CFAP251: variants seen among roughly 807,000 people sequenced by gnomAD.
CFAP251 encodes the protein cilia and flagella associated protein 251.
A neutral mutation model predicts 126.7 loss-of-function variants in CFAP251; 93 were observed. The observed-to-expected ratio is 0.73, with a 90% CI of 0.62 to 0.87. CFAP251 has a LOEUF of 0.87. CFAP251 is among the 40% of genes least tolerant of loss of function. The pLI is 0.00. For synonymous variants in CFAP251, 503 were observed against 506.9 expected (o/e 0.99, Z 0.10); for missense variants, 1,287 against 1,389.2 (o/e 0.93, Z 1.17).
At chr12:122,003,527 C>T (rs999915395) in intron 21 of CFAP251, 125 bp from the exon 22 acceptor site, 9 of 652,492 alleles carry the variant, frequency 1.4e-5, no homozygotes, top group Middle Eastern at 5.0e-4. Context: ...GAGCTATGAT[C>T]GTGTCACTGC....
At chr12:121,929,054 G>A (rs2135750150) in intron 3 of CFAP251, among the ~76,000 whole-genome samples, 1 of 152,112 alleles carries the variant, frequency 6.6e-6, no homozygotes, top group East Asian at 1.9e-4. Context: ...CGGGAGCAGT[G>A]GCTCATGCCT....
intron 19 of CFAP251, chr12:121,992,676 C>T: frequency 4.3e-6 from 1 of 229,976 alleles, no homozygotes; most frequent in Non-Finnish European, 7.2e-6. Flanking sequence ...CTCCCGGGCT[C>T]AGGTGATCCT....
intron 19 of CFAP251, among the ~76,000 whole-genome samples, chr12:121,993,965 A>G (rs1593008099): frequency 1.6e-5 from 1 of 63,430 alleles, no homozygotes; most frequent in Non-Finnish European, 3.8e-5. Flanking sequence ...CCCGTCCGGG[A>G]GGGAGGTGGG....
At chr12:121,960,496 G>A in intron 13 of CFAP251, 89 bp from the exon 14 acceptor site, 1 of 1,453,048 alleles carries the variant, frequency 6.9e-7, no homozygotes, top group Non-Finnish European at 9.5e-7. Flanking sequence ...GGGATTACAG[G>A]CGTGAGCCAC....
chr12:121,975,120 A>G (rs1882423479), intron 17 of CFAP251, 124 bp from the exon 18 acceptor site: 2 of 715,008 alleles, frequency 2.8e-6, no homozygotes, highest in African/African-American at 1.8e-5. Flanking sequence ...ACAAGTGTGT[A>G]GAGACCCTAA....
At position 121,968,251 on chromosome 12, in the gene CFAP251, C is replaced by T. The variant is rs149367862; in HGVS notation, c.2771+82C>T. The T allele has an allele frequency of 2.2e-4, 312 of 1,389,162 alleles. 2 individuals carry two copies. In the African/African-American group the frequency reaches 3.8e-3, roughly 17 times the overall value. The allele number at this position is 1,389,162 out of a possible 1,614,324, so 86.1% of individuals were successfully genotyped here. ...CAGTGATAGACACTGAACCCTACTGCGTGCCAGGCACTGTGCTAGGATGTC... is the reference window on the plus strand; with the variant it reads ...CAGTGATAGACACTGAACCCTACTGTGTGCCAGGCACTGTGCTAGGATGTC... On this transcript the variant is annotated intron_variant, in intron 17 of 21. Transcript: ENST00000288912.
chr12:121,979,893 C>T (rs932203035), intron 19 of CFAP251, among the ~76,000 whole-genome samples: 8 of 152,280 alleles, frequency 5.3e-5, no homozygotes, highest in South Asian at 2.1e-4. Context: ...TTACAAGTTA[C>T]GGAAACCTAA....
intron 21 of CFAP251, chr12:122,001,848 C>T: frequency 2.0e-6 from 1 of 504,806 alleles, no homozygotes; most frequent in Non-Finnish European, 3.6e-6. Flanking sequence ...GACCTGTCAT[C>T]TTGCCGGCTT....
chr12:121,951,186 A>C (rs2135773936), intron 8 of CFAP251: 1 of 220,202 alleles, frequency 4.5e-6, no homozygotes, highest in East Asian at 8.9e-5. Context: ...GCGCCACTGC[A>C]CTCCAGGCTG....
chr12:121,927,036 C>T (rs1171180416), intron 3 of CFAP251, among the ~76,000 whole-genome samples: 1 of 152,150 alleles, frequency 6.6e-6, no homozygotes, highest in East Asian at 1.9e-4. Context: ...TCTTCCTACA[C>T]ACACCCCCAC....
chr12:121,920,020 G>GA (rs549439744), intron 1 of CFAP251, among the ~76,000 whole-genome samples: 271 of 151,664 alleles, frequency 1.8e-3, no homozygotes, highest in African/African-American at 6.4e-3. Flanking sequence ...TGCCTCCATT[G>GA]AAAAAATACA....
At chr12:121,931,068 G>T (rs139014309) in intron 3 of CFAP251, among the ~76,000 whole-genome samples, 21 of 152,000 alleles carry the variant, frequency 1.4e-4, no homozygotes, top group African/African-American at 5.1e-4. Flanking sequence ...TTCTTATAAA[G>T]TTACGTAATG....
chr12:121,982,381 ATT>A (rs1296231709), intron 19 of CFAP251, among the ~76,000 whole-genome samples: 5 of 137,084 alleles, frequency 3.6e-5, no homozygotes, highest in Admixed American at 1.5e-4. Flanking sequence ...AGGATTCTTG[ATT>A]TTTTTTTTTT....
chr12:121,961,235 C>A (rs1881923948), intron 14 of CFAP251, among the ~76,000 whole-genome samples: 1 of 151,536 alleles, frequency 6.6e-6, no homozygotes, highest in South Asian at 2.1e-4. Flanking sequence ...TCTGTTTTTC[C>A]TTCCTCCCTC....
In CFAP251 at chr12:121,923,817, G is replaced by C; in HGVS notation, c.574G>C (p.Asp192His). The change falls in exon 3 of 22, where the codon GAT (aspartate) becomes CAT (histidine). Residue 192 changes from aspartate (D) to histidine (H), a missense_variant. Transcript: ENST00000288912. The part of the protein sequence containing the change: ...LEEKTDRMPQ[D>H]ELGQERRDLE... ...GGAGAAAACCGACCGGATGCCCCAA[G>C]ATGAACTGGGACAAGAAAGAAGGGA... 1 of 1,614,148 alleles carries C rather than the reference G, an allele frequency of 6.2e-7. No homozygotes were observed. The highest frequency in any genetic ancestry group is 2.2e-5 in the East Asian group (1 of 44,876).
intron 4 of CFAP251, 148 bp downstream of exon 4, chr12:121,932,034 A>G (rs892845384): frequency 3.8e-5 from 26 of 679,114 alleles, no homozygotes; most frequent in Non-Finnish European, 5.4e-5. Flanking sequence ...GTCTTTAGAA[A>G]CACATGGTAT....
chr12:121,919,506 A>T (rs768481310), intron 1 of CFAP251, among the ~76,000 whole-genome samples: 1 of 152,174 alleles, frequency 6.6e-6, no homozygotes, highest in African/African-American at 2.4e-5. Context: ...CAGAATTGTG[A>T]TGAGCATTTT....
At chr12:121,995,215 G>C (rs1044345997) in intron 19 of CFAP251, among the ~76,000 whole-genome samples, 14 of 152,342 alleles carry the variant, frequency 9.2e-5, no homozygotes, top group Middle Eastern at 3.4e-3. Flanking sequence ...TATCATCAAA[G>C]ATTGCTCTTT....
chr12:122,000,264 G>A (rs1176371170), intron 20 of CFAP251, among the ~76,000 whole-genome samples: 1 of 152,050 alleles, frequency 6.6e-6, no homozygotes, highest in Admixed American at 6.6e-5. Flanking sequence ...ATAAGATTTG[G>A]GTTGGGGCCG....
Sources: allele counts gnomAD v4.1 joint callset (sites outside exome capture counted in the v4.1 genomes callset), GRCh38; gene constraint gnomAD v4.1.1; transcripts MANE v1.5; gene names NCBI Gene and HGNC (gene_info 2026-07-23, HGNC 2026-07-21).